Variants in ANKRD30BL observed in about 807,000 individuals in gnomAD.
The protein encoded by ANKRD30BL is ankyrin repeat domain 30B like, also known as putative ankyrin repeat domain-containing protein 30B-like.
In ANKRD30BL, 20 loss-of-function variants were observed where a neutral mutation model predicts 18.4. The observed-to-expected ratio is 1.09, with a 90% CI of 0.77 to 1.58. The LOEUF is 1.58. ANKRD30BL is among the 40% of genes most tolerant of loss of function. The pLI is 0.00. For missense variants in ANKRD30BL, 224 were observed against 268.6 expected (o/e 0.83, Z 1.16); for synonymous variants, 72 against 100.9 (o/e 0.71, Z 1.72).
Position 132,210,397 on chromosome 2 carries a change from C to G in ANKRD30BL, n.441+47132G>C, listed in dbSNP as rs181921250. Reference sequence around the variant, plus strand: ...CACATAAAAACTGGATGGAAGCATTCTGAGAAACTTCTTTGTGATTTGTGC... The same window carrying G: ...CACATAAAAACTGGATGGAAGCATTGTGAGAAACTTCTTTGTGATTTGTGC... On this transcript the variant is annotated intron_variant and non_coding_transcript_variant, in intron 1 of 4. Coordinates refer to the ANKRD30BL transcript ENST00000470729. Among the ~76,000 whole-genome samples the G allele has an allele frequency of 1.3e-3, 198 of 151,820 alleles. 7 individuals are homozygous for G. In the East Asian group the frequency reaches 0.035, roughly 27 times the overall value.
chr2:132,164,410 C>A (rs1334502358), upstream of ANKRD30BL, among the ~76,000 whole-genome samples: 1 of 151,796 alleles, frequency 6.6e-6, no homozygotes, highest in Admixed American at 6.6e-5. Flanking sequence ...CCTGCCTCAG[C>A]CTCCTGAGTA....
Position 132,147,944 on chromosome 2 carries a change from G to C in ANKRD30BL, c.*187C>G. The C allele has an allele frequency of 1.8e-6, 1 of 567,552 alleles. No individual in the cohort carries two copies. The highest frequency in any genetic ancestry group is 3.2e-6 in the Non-Finnish European group (1 of 312,566). The allele number at this position is 567,552 out of a possible 1,614,324, so 35.2% of individuals were successfully genotyped here. A position where few individuals can be genotyped will look rare whatever the true frequency, so the allele number is the denominator to read the frequency against. ...GAAGGGGGCTGTTTAATGAAACTAG[G>C]GGCAAGGAGGCATAACGAACGAGGA... On this transcript the variant is annotated 3_prime_UTR_variant, in exon 6 of 6. Coordinates refer to ENST00000409867, the MANE Select transcript of ANKRD30BL (RefSeq NM_001358416.1).
At chr2:132,227,888 G>A (rs201170440) in intron 1 of ANKRD30BL, among the ~76,000 whole-genome samples, 13 of 152,066 alleles carry the variant, frequency 8.5e-5, no homozygotes, top group Middle Eastern at 3.4e-3. Flanking sequence ...CATTTGAAGC[G>A]CTTTGCAGCC....
chr2:132,163,886 C>T (rs1197860585), upstream of ANKRD30BL, among the ~76,000 whole-genome samples: 1 of 152,182 alleles, frequency 6.6e-6, no homozygotes, highest in East Asian at 1.9e-4. Context: ...TGCTTCTAGA[C>T]CGTCTTAGTT....
intron 1 of ANKRD30BL, chr2:132,256,887 G>C (rs1321409448): frequency 2.2e-6 from 1 of 450,078 alleles, no homozygotes; most frequent in Non-Finnish European, 4.4e-6. Flanking sequence ...CCGCGGGCAG[G>C]GTGGGGGGCA....
chr2:132,206,009 T>C (rs1679205406), intron 1 of ANKRD30BL, among the ~76,000 whole-genome samples: 1 of 151,726 alleles, frequency 6.6e-6, no homozygotes, highest in Admixed American at 6.6e-5. Flanking sequence ...AATACAAAAA[T>C]TAAACGGGCA....
At chr2:132,158,003 A>G (rs1204413744) in intron 1 of ANKRD30BL, among the ~76,000 whole-genome samples, 1 of 150,110 alleles carries the variant, frequency 6.7e-6, no homozygotes, top group Non-Finnish European at 1.5e-5. Flanking sequence ...TGACATTGAA[A>G]TGCCGCTTAT....
intron 1 of ANKRD30BL, among the ~76,000 whole-genome samples, chr2:132,195,609 CG>C (rs1678947108): frequency 6.6e-6 from 1 of 150,546 alleles, no homozygotes; most frequent in Admixed American, 6.6e-5. Context: ...TGGCAAACAC[CG>C]TGAAACCCCA....
intron 1 of ANKRD30BL, among the ~76,000 whole-genome samples, chr2:132,253,838 C>T (rs538157334): frequency 3.9e-5 from 6 of 152,058 alleles, no homozygotes; most frequent in Non-Finnish European, 7.4e-5. Context: ...CCCCTACCCT[C>T]GAGACCCCCT....
chr2:132,207,196 A>G (rs373108998), intron 1 of ANKRD30BL, among the ~76,000 whole-genome samples: 27,387 of 151,560 alleles, frequency 0.18, 2,806 homozygotes, highest in Non-Finnish European at 0.26. Flanking sequence ...GCCGCTTAAG[A>G]TCATAAATAA....
chr2:132,220,235 G>A (rs1351782348), intron 1 of ANKRD30BL, among the ~76,000 whole-genome samples: 3 of 151,996 alleles, frequency 2.0e-5, no homozygotes, highest in Admixed American at 6.6e-5. Context: ...AACTCACAGT[G>A]TTGAACCTTT....
At chr2:132,240,609 C>T (rs60007928) in intron 1 of ANKRD30BL, among the ~76,000 whole-genome samples, 7,013 of 151,432 alleles carry the variant, frequency 0.046, 549 homozygotes, top group African/African-American at 0.16. Context: ...TTGTCAAAAT[C>T]GGCAAGTGGA....
At chr2:132,238,063 C>CT (rs1277803867) in intron 1 of ANKRD30BL, among the ~76,000 whole-genome samples, 1 of 151,840 alleles carries the variant, frequency 6.6e-6, no homozygotes, top group Non-Finnish European at 1.5e-5. Context: ...TTTTGAAACA[C>CT]TTTTTTTGTA....
intron 1 of ANKRD30BL, among the ~76,000 whole-genome samples, chr2:132,255,448 G>C (rs1680803536): frequency 6.6e-6 from 1 of 151,788 alleles, no homozygotes; most frequent in Admixed American, 6.6e-5. Context: ...GAGCATCCAG[G>C]GGGCACCGAG....
chr2:132,213,604 C>T (rs1451822812), intron 1 of ANKRD30BL, among the ~76,000 whole-genome samples: 3 of 152,156 alleles, frequency 2.0e-5, no homozygotes, highest in Non-Finnish European at 4.4e-5. Context: ...TGCAAGTGAA[C>T]ATTTTGAGCT....
chr2:132,219,659 C>G (rs2104768135), intron 1 of ANKRD30BL, among the ~76,000 whole-genome samples: 1 of 152,116 alleles, frequency 6.6e-6, no homozygotes, highest in East Asian at 1.9e-4. Context: ...AATATCTTCA[C>G]ATAAAAACTA....
chr2:132,209,748 C>T (rs1273527603), intron 1 of ANKRD30BL, among the ~76,000 whole-genome samples: 4 of 152,100 alleles, frequency 2.6e-5, no homozygotes, highest in Non-Finnish European at 5.9e-5. Flanking sequence ...ATTCAACTCA[C>T]ATAGTTGAAG....
At chr2:132,195,429 ATAT>A (rs1678943154) in intron 1 of ANKRD30BL, among the ~76,000 whole-genome samples, 1 of 151,860 alleles carries the variant, frequency 6.6e-6, no homozygotes, top group African/African-American at 2.4e-5. Flanking sequence ...AATATGAGAA[ATAT>A]TATAGCAAAC....
chr2:132,167,687 A>G (rs540804834), intron 1 of ANKRD30BL, among the ~76,000 whole-genome samples: 66 of 152,262 alleles, frequency 4.3e-4, no homozygotes, highest in African/African-American at 1.5e-3. Context: ...TCACCTCATG[A>G]GATGTGATCT....
Sources: allele counts gnomAD v4.1 joint callset (sites outside exome capture counted in the v4.1 genomes callset), GRCh38; gene constraint gnomAD v4.1.1; transcripts MANE v1.5; gene names NCBI Gene and HGNC (gene_info 2026-07-23, HGNC 2026-07-21).